Variants in SEMA5B observed in about 807,000 individuals in gnomAD.
SEMA5B encodes semaphorin-5B.
A neutral mutation model predicts 135.0 loss-of-function variants in SEMA5B; 66 were observed. The observed-to-expected ratio is 0.49, with a 90% CI of 0.40 to 0.60. The LOEUF (loss-of-function observed/expected upper bound fraction) is 0.60. Among genes scored for constraint, SEMA5B ranks in the 20% least tolerant of loss-of-function variants. SEMA5B has a pLI of 0.00. For synonymous variants in SEMA5B, 690 were observed against 639.5 expected (o/e 1.08, Z -1.19); for missense variants, 1,501 against 1,566.3 (o/e 0.96, Z 0.70).
intron 1 of SEMA5B, among the ~76,000 whole-genome samples, chr3:122,974,783 G>C (rs1217823433): frequency 6.6e-6 from 1 of 152,210 alleles, no homozygotes; most frequent in African/African-American, 2.4e-5. Flanking sequence ...AGTGCTTAAT[G>C]AATGTCTCTC....
intron 5 of SEMA5B, among the ~76,000 whole-genome samples, chr3:122,930,423 T>C (rs2107662867): frequency 6.6e-6 from 1 of 152,338 alleles, no homozygotes; most frequent in African/African-American, 2.4e-5. Flanking sequence ...AACCGAGCAC[T>C]GTCATACTCA....
Position 122,956,696 on chromosome 3 carries a change from C to G in SEMA5B, c.124+4444G>C, listed in dbSNP as rs564700345. Among the ~76,000 whole-genome samples the G allele has an allele frequency of 1.8e-4, 27 of 152,236 alleles. No individual in the cohort carries two copies. The South Asian group carries it at 5.6e-3, about 32-fold the overall frequency. ...CCCCGTTTTCAGACAGGGGATCGCC[C>G]AGACCACCCCGGGGTGGGTAGCAGC... On this transcript the variant is annotated intron_variant, in intron 2 of 22. Transcript: ENST00000357599.
chr3:122,974,750 T>C (rs1398315736), intron 1 of SEMA5B, among the ~76,000 whole-genome samples: 1 of 152,190 alleles, frequency 6.6e-6, no homozygotes, highest in Non-Finnish European at 1.5e-5. Flanking sequence ...AGAAAGATGG[T>C]CAAGGGCTGA....
chr3:122,959,188 A>G (rs1478416643), intron 2 of SEMA5B, among the ~76,000 whole-genome samples: 1 of 152,206 alleles, frequency 6.6e-6, no homozygotes, highest in African/African-American at 2.4e-5. Context: ...GAAGTGGTCT[A>G]TGCTCTTTAT....
intron 1 of SEMA5B, among the ~76,000 whole-genome samples, chr3:122,962,493 C>T (rs1389868924): frequency 1.3e-5 from 2 of 152,122 alleles, no homozygotes; most frequent in African/African-American, 4.8e-5. Context: ...AGAGGACGGC[C>T]ACAAAATGGA....
At chr3:122,948,170 A>G (rs1939873187) in intron 3 of SEMA5B, among the ~76,000 whole-genome samples, 1 of 152,108 alleles carries the variant, frequency 6.6e-6, no homozygotes, top group East Asian at 1.9e-4. Flanking sequence ...GGCACCTCCT[A>G]ATGCATGAGT....
At chr3:122,976,873 A>G (rs974346109) in intron 1 of SEMA5B, among the ~76,000 whole-genome samples, 5 of 152,286 alleles carry the variant, frequency 3.3e-5, no homozygotes, top group African/African-American at 1.2e-4. Context: ...AACATGATGA[A>G]ACCCGGTCTC....
intron 12 of SEMA5B, among the ~76,000 whole-genome samples, chr3:122,921,046 G>A (rs577768469): frequency 2.0e-5 from 3 of 152,176 alleles, no homozygotes; most frequent in African/African-American, 7.2e-5. Context: ...GGCCCCACAG[G>A]CCTCTGCCCA....
chr3:122,996,174 C>T (rs967101602), intron 1 of SEMA5B, among the ~76,000 whole-genome samples: 1 of 152,244 alleles, frequency 6.6e-6, no homozygotes, highest in Non-Finnish European at 1.5e-5. Flanking sequence ...GGCAGCTCTT[C>T]TCCAACACAC....
chr3:122,915,591 C>A lies in SEMA5B; in HGVS notation c.1837G>T (p.Gly613Cys), dbSNP rs761703190. Residue 613 changes from glycine to cysteine, a missense_variant, in exon 14 of 23, where the codon GGC becomes TGC. Physicochemically the swap from Gly to Cys is radical, Grantham distance 159 (BLOSUM62 -3). Around this residue, in one of 2 missense-constraint regions of SEMA5B, gnomAD observed 927 missense variants for 881.6 expected, o/e 1.05. Transcript: ENST00000357599. ...CATGGTTGCCATGGTGACCATGGGC[C>A]GAAGCCCCCATCCCGTGTCACATTC... ...VRNVTRDGGF[G>C]PWSPWQPCEH... 2 of 1,613,414 alleles carry A rather than the reference C, an allele frequency of 1.2e-6. No individual in the cohort carries two copies. The highest frequency in any genetic ancestry group is 1.7e-4 in the Middle Eastern group (1 of 6,054).
At chr3:122,970,213 A>G (rs1941050563) in intron 1 of SEMA5B, among the ~76,000 whole-genome samples, 1 of 152,242 alleles carries the variant, frequency 6.6e-6, no homozygotes, top group Admixed American at 6.5e-5. Context: ...GGAGGGCACC[A>G]TCACTTCTCA....
chr3:122,959,711 G>A (rs902907685), intron 2 of SEMA5B, among the ~76,000 whole-genome samples: 2 of 152,190 alleles, frequency 1.3e-5, no homozygotes, highest in East Asian at 1.9e-4. Flanking sequence ...TGCAGCCATC[G>A]GGGAGAACCA....
In SEMA5B at chr3:122,913,698, G is replaced by T. The variant is rs1937905333; in HGVS notation, c.2133-17C>A. ...TTACAGAACCTGGGGTCGGGGGAGAGGCGTCAATCCAGGGAGGGGGACCCC... is the reference window on the plus strand; with the variant it reads ...TTACAGAACCTGGGGTCGGGGGAGATGCGTCAATCCAGGGAGGGGGACCCC... On this transcript the variant is annotated splice_polypyrimidine_tract_variant and intron_variant, in intron 15 of 22. Transcript: ENST00000357599. 6.2e-7 allele frequency: 1 copy of T among 1,612,100 alleles called. No homozygotes were observed. The highest frequency in any genetic ancestry group is 8.5e-7 in the Non-Finnish European group (1 of 1,178,908).
In SEMA5B at chr3:122,912,036, C is replaced by T; in HGVS notation, c.2930G>A (p.Cys977Tyr). 1 of 1,613,780 alleles carries T rather than the reference C, an allele frequency of 6.2e-7. No homozygotes were observed. The highest frequency in any genetic ancestry group is 8.5e-7 in the Non-Finnish European group (1 of 1,179,784). Residue 977 changes from cysteine (C) to tyrosine (Y), a missense_variant, in exon 20 of 23, where the codon TGC becomes TAC. Cys to Tyr is a radical substitution (Grantham distance 194, BLOSUM62 -2). This residue lies in a region of SEMA5B where 927 missense variants were observed against 881.6 expected (regional missense o/e 1.05). Transcript: ENST00000357599. ...TCGGCTCTGGGCTCCGTCGTCAGTG[C>T]ACTTACTCCACTCAGACCAGGGCGA... is the stretch of plus-strand genomic sequence containing the variant. ...GWSPWSEWSKCTDDGAQSRSR... is the reference protein window; with the variant it reads ...GWSPWSEWSKYTDDGAQSRSR...
chr3:122,971,869 G>A (rs1330289614), intron 1 of SEMA5B, among the ~76,000 whole-genome samples: 1 of 152,242 alleles, frequency 6.6e-6, no homozygotes, highest in Admixed American at 6.5e-5. Flanking sequence ...ACCGTGTTCT[G>A]CATCCTTGGG....
chr3:122,921,836 G>T, intron 12 of SEMA5B, 79 bp downstream of exon 12: 1 of 1,257,622 alleles, frequency 8.0e-7, no homozygotes, highest in Non-Finnish European at 1.1e-6. Flanking sequence ...CCGACCCCAG[G>T]TCTCCCGGGT....
intron 1 of SEMA5B, among the ~76,000 whole-genome samples, chr3:123,012,219 T>C (rs918141424): frequency 6.6e-6 from 1 of 152,158 alleles, no homozygotes; most frequent in Admixed American, 6.5e-5. Flanking sequence ...GACTGGCCTG[T>C]AGTAAGTCCT....
intron 1 of SEMA5B, among the ~76,000 whole-genome samples, chr3:122,991,357 T>C (rs147748353): frequency 1.3e-5 from 2 of 152,238 alleles, no homozygotes; most frequent in Non-Finnish European, 2.9e-5. Flanking sequence ...AAGGAGAAGA[T>C]GTAGCAGCAG....
chr3:122,980,319 G>A (rs1202756309), intron 1 of SEMA5B, among the ~76,000 whole-genome samples: 1 of 152,172 alleles, frequency 6.6e-6, no homozygotes, highest in African/African-American at 2.4e-5. Flanking sequence ...AATTATCCAG[G>A]TGTGGTGGTG....
Sources: allele counts gnomAD v4.1 joint callset (sites outside exome capture counted in the v4.1 genomes callset), GRCh38; gene constraint gnomAD v4.1.1; regional missense constraint gnomAD v4.1.1; transcripts MANE v1.5; gene names NCBI Gene and HGNC (gene_info 2026-07-23, HGNC 2026-07-21).